The following ADGRD1 variants were observed in gnomAD, a reference collection of about 807,000 sequenced individuals.
The protein encoded by ADGRD1 is G-protein coupled receptor 133.
In ADGRD1, 77 loss-of-function variants were observed where a neutral mutation model predicts 113.4. The ratio of observed to expected loss-of-function variants is 0.68; its 90% CI spans 0.57 to 0.82. The LOEUF (loss-of-function observed/expected upper bound fraction) is 0.82, where lower values mean the gene tolerates loss of function less well. Ranked by LOEUF, ADGRD1 falls within the 40% of genes least tolerant of loss-of-function variation. The probability of loss-of-function intolerance (pLI) is 0.00; values close to 1 mark genes in which losing one functional copy is unlikely to be tolerated. For synonymous variants in ADGRD1, 474 were observed against 475.0 expected (o/e 1.00, Z 0.03); for missense variants, 1,036 against 1,139.1 (o/e 0.91, Z 1.30).
At chr12:131,024,767 C>G (rs1418077884) in intron 13 of ADGRD1, 5 of 152,260 alleles carry the variant, frequency 3.3e-5, no homozygotes, top group African/African-American at 2.4e-5. Flanking sequence ...TTAAGTGATG[C>G]AAGACTGTAC....
At chr12:130,963,111 G>A (rs1419258166) in intron 2 of ADGRD1, 1 of 152,098 alleles carries the variant, frequency 6.6e-6, no homozygotes, top group Non-Finnish European at 1.5e-5. Flanking sequence ...ACGAAGTCAG[G>A]AGATCGAAAC....
At position 130,954,464 on chromosome 12, in the gene ADGRD1, C is replaced by G. The variant is rs1298991882; in HGVS notation, c.-2C>G. ...CTCCGAGCTTTGACCTCCGAGAGAG[C>G]CATGGAAAAGCTGCTGCGGCTGTGC... On this transcript the variant is annotated 5_prime_UTR_variant, in exon 1 of 25. Coordinates refer to ENST00000261654, the MANE Select transcript of ADGRD1 (RefSeq NM_198827.5). The surrounding 1 kb of genome is among the most constrained non-coding windows in gnomAD (Gnocchi z 4.7). 6.5e-7 allele frequency: 1 copy of G among 1,543,120 alleles called. No homozygotes were observed. The highest frequency in any genetic ancestry group is 8.7e-7 in the Non-Finnish European group (1 of 1,145,612).
chr12:131,098,662 C>T (rs778865039), intron 15 of ADGRD1, among the ~76,000 whole-genome samples: 2 of 152,162 alleles, frequency 1.3e-5, no homozygotes, highest in Admixed American at 6.5e-5. Flanking sequence ...AGATCATGGC[C>T]GTGTGAGGGC....
chr12:131,071,302 C>A (rs1327751770), intron 13 of ADGRD1, among the ~76,000 whole-genome samples: 1 of 129,832 alleles, frequency 7.7e-6, no homozygotes, highest in East Asian at 2.4e-4. Flanking sequence ...GAGCCATGTG[C>A]AAGGAGGTGG....
chr12:131,008,431 G>C (rs555645970), intron 12 of ADGRD1, among the ~76,000 whole-genome samples: 1 of 152,328 alleles, frequency 6.6e-6, no homozygotes, highest in East Asian at 1.9e-4. Flanking sequence ...TGGTGCCGTA[G>C]TGTCCTTTAA....
chr12:131,000,257 A>C (rs1876189406), intron 8 of ADGRD1, 126 bp from the exon 9 acceptor site: 1 of 716,516 alleles, frequency 1.4e-6, no homozygotes, highest in Non-Finnish European at 2.6e-6. Context: ...ATTTTTGTTG[A>C]CTGCCGTGCA....
At chr12:131,012,534 C>T (rs1878058617) in intron 12 of ADGRD1, among the ~76,000 whole-genome samples, 3 of 152,266 alleles carry the variant, frequency 2.0e-5, no homozygotes, top group South Asian at 4.2e-4. Context: ...TTTGTATTTA[C>T]AATTCCAGGA....
chr12:131,010,387 T>C (rs1282190155), intron 12 of ADGRD1, among the ~76,000 whole-genome samples: 1 of 152,224 alleles, frequency 6.6e-6, no homozygotes, highest in Non-Finnish European at 1.5e-5. Flanking sequence ...ATTTGCGATG[T>C]TTGTTCACTC....
At chr12:131,016,818 G>A (rs1250059063) in intron 13 of ADGRD1, among the ~76,000 whole-genome samples, 6 of 152,124 alleles carry the variant, frequency 3.9e-5, no homozygotes, top group Non-Finnish European at 7.4e-5. Context: ...ACTTGAACCC[G>A]GGAGGCAGAG....
chr12:131,019,554 A>G (rs910759946), intron 13 of ADGRD1, among the ~76,000 whole-genome samples: 2 of 152,260 alleles, frequency 1.3e-5, no homozygotes, highest in Non-Finnish European at 2.9e-5. Context: ...GCAAGGAATG[A>G]GCGAAGCAGA....
intron 22 of ADGRD1, among the ~76,000 whole-genome samples, chr12:131,136,448 GGAAA>G (rs1023967941): frequency 8.5e-5 from 13 of 152,320 alleles, no homozygotes; most frequent in Middle Eastern, 6.8e-3. Context: ...TGGCAGCTCT[GGAAA>G]GAAAGGCAGA....
chr12:130,992,195 T>C (rs1874497129), intron 7 of ADGRD1, 42 bp from the exon 8 acceptor site: 1 of 1,553,556 alleles, frequency 6.4e-7, no homozygotes, highest in African/African-American at 1.4e-5. Context: ...AATATTTTGG[T>C]TTTAGTTCTT....
chr12:131,018,213 C>T (rs1878870744), intron 13 of ADGRD1, among the ~76,000 whole-genome samples: 2 of 152,232 alleles, frequency 1.3e-5, no homozygotes, highest in African/African-American at 4.8e-5. Flanking sequence ...TCCTCTCCCA[C>T]TCCTCCAGCT....
chr12:131,049,387 T>C (rs1257183409), intron 13 of ADGRD1, among the ~76,000 whole-genome samples: 1 of 152,246 alleles, frequency 6.6e-6, no homozygotes, highest in African/African-American at 2.4e-5. Context: ...TCATGCCCCA[T>C]GCACTTCCTC....
intron 3 of ADGRD1, chr12:130,969,068 T>G (rs1180421396): frequency 1.3e-6 from 2 of 1,488,238 alleles, no homozygotes; most frequent in South Asian, 1.2e-5. Flanking sequence ...TCTCTGCAAC[T>G]GTAGGTGAGC....
At chr12:130,996,631 G>A (rs1182752255) in intron 8 of ADGRD1, among the ~76,000 whole-genome samples, 11 of 105,624 alleles carry the variant, frequency 1.0e-4, no homozygotes, top group Non-Finnish European at 2.1e-4. Flanking sequence ...CTCACCTCCC[G>A]GACGAGGCGG....
intron 4 of ADGRD1, among the ~76,000 whole-genome samples, chr12:130,980,109 CTTTT>C (rs1294294152): frequency 6.9e-6 from 1 of 144,840 alleles, no homozygotes. Context: ...TGCGGTTCCT[CTTTT>C]TTTTTTTTTG....
chr12:131,067,675 C>T (rs1318504293), intron 13 of ADGRD1, among the ~76,000 whole-genome samples: 2 of 114,896 alleles, frequency 1.7e-5, no homozygotes, highest in African/African-American at 6.9e-5. Flanking sequence ...TATGTCTGAT[C>T]GCTGTGCCCC....
intron 13 of ADGRD1, among the ~76,000 whole-genome samples, chr12:131,059,199 A>G (rs953456578): frequency 2.0e-5 from 3 of 152,016 alleles, no homozygotes; most frequent in Non-Finnish European, 2.9e-5. Context: ...TTTTTGAGAC[A>G]GAGTCTCACT....
Sources: allele counts gnomAD v4.1 joint callset (sites outside exome capture counted in the v4.1 genomes callset), GRCh38; gene constraint gnomAD v4.1.1; non-coding constraint Gnocchi (gnomAD v3.1); transcripts MANE v1.5; gene names NCBI Gene and HGNC (gene_info 2026-07-23, HGNC 2026-07-21).